S100B: variants seen among roughly 807,000 people sequenced by gnomAD.
The protein encoded by S100B is protein S100-B.
S100B carries 6 observed loss-of-function variants against 7.7 expected under a neutral mutation model. The ratio of observed to expected loss-of-function variants is 0.78; its 90% CI spans 0.43 to 1.54. The LOEUF (loss-of-function observed/expected upper bound fraction) is 1.54. S100B is among the 40% of genes most tolerant of loss of function. The pLI is 0.01. For synonymous variants in S100B, 36 were observed against 40.4 expected, an observed-to-expected ratio of 0.89 and a Z score of 0.41; for missense variants, 99 against 111.8, an observed-to-expected ratio of 0.89 and a Z score of 0.52.
intron 1 of S100B, among the ~76,000 whole-genome samples, chr21:46,604,363 A>G (rs1359065486): frequency 6.6e-6 from 1 of 152,226 alleles, no homozygotes; most frequent in Non-Finnish European, 1.5e-5. Flanking sequence ...TAGAAAGACA[A>G]GTTACCTAGC....
intron 2 of S100B, among the ~76,000 whole-genome samples, chr21:46,600,591 G>A (rs934609871): frequency 1.6e-4 from 24 of 152,194 alleles, no homozygotes; most frequent in Middle Eastern, 3.4e-3. Flanking sequence ...GTAACTCCAC[G>A]GGGGTAGAGG....
intron 2 of S100B, among the ~76,000 whole-genome samples, chr21:46,600,651 A>G (rs1182726590): frequency 6.6e-6 from 1 of 152,178 alleles, no homozygotes; most frequent in Non-Finnish European, 1.5e-5. Context: ...CTTCAATTAT[A>G]TTATACATCT....
chr21:46,601,363 A>G (rs1464637420), intron 2 of S100B, among the ~76,000 whole-genome samples: 1 of 152,120 alleles, frequency 6.6e-6, no homozygotes, highest in African/African-American at 2.4e-5. Context: ...TACGTTTCAT[A>G]TGTGCACACC....
intron 1 of S100B, chr21:46,602,851 G>C (rs1159978501): frequency 6.4e-6 from 1 of 156,788 alleles, no homozygotes. Flanking sequence ...TCAACTGCAA[G>C]CTGTTAAAAT....
At chr21:46,603,394 G>GGGGGGGCGGGGGC (rs1555923745) in intron 1 of S100B, among the ~76,000 whole-genome samples, 1 of 140,708 alleles carries the variant, frequency 7.1e-6, no homozygotes, top group Non-Finnish European at 1.6e-5. Flanking sequence ...ACGGCGGGAG[G>GGGGGGGCGGGGGC]GGGTGGGGGC....
intron 1 of S100B, among the ~76,000 whole-genome samples, chr21:46,603,405 A>AGGGGGGGGCGGGGGGGGGGTGG (rs1555923766): frequency 9.4e-6 from 1 of 106,136 alleles, no homozygotes; most frequent in Non-Finnish European, 2.0e-5. Context: ...GGGTGGGGGC[A>AGGGGGGGGCGGGGGGGGGGTGG]GGAATAGGTG....
At chr21:46,604,009 G>A (rs1190508169) in intron 1 of S100B, among the ~76,000 whole-genome samples, 1 of 152,108 alleles carries the variant, frequency 6.6e-6, no homozygotes, top group African/African-American at 2.4e-5. Context: ...ACATCATTCT[G>A]ATGCTCCTCA....
At chr21:46,604,431 G>A (rs2061051803) in intron 1 of S100B, among the ~76,000 whole-genome samples, 1 of 152,086 alleles carries the variant, frequency 6.6e-6, no homozygotes, top group South Asian at 2.1e-4. Flanking sequence ...TGAGACTGAG[G>A]AAAGTTAAAA....
chr21:46,603,289 A>C (rs944521874), intron 1 of S100B, among the ~76,000 whole-genome samples: 2 of 147,822 alleles, frequency 1.4e-5, no homozygotes, highest in Admixed American at 1.4e-4. Context: ...GTTCTGTCGC[A>C]GGGAGGGACA....
chr21:46,604,971 C>G (rs2061053345), intron 1 of S100B, 42 bp downstream of exon 1: 1 of 152,340 alleles, frequency 6.6e-6, no homozygotes, highest in Non-Finnish European at 1.5e-5. Context: ...AAGAAAAGAA[C>G]CATTTCTTCC....
chr21:46,599,199 C>CTTTG lies in S100B; in HGVS notation c.*160_*163dup. On this transcript the variant is annotated 3_prime_UTR_variant, in exon 3 of 3. Coordinates refer to ENST00000291700, the MANE Select transcript of S100B (RefSeq NM_006272.3). ...GAATGATGCAGGCCGTTAAAACAGCCTTTGGAAAGAGGTTTTCAATTTTTC... is the reference window on the plus strand; with the variant it reads ...GAATGATGCAGGCCGTTAAAACAGCCTTTGTTTGGAAAGAGGTTTTCAATTTTTC... 1.5e-6 allele frequency: 1 copy of CTTTG among 673,270 alleles called. No individual in the cohort carries two copies. The highest frequency in any genetic ancestry group is 1.9e-5 in the South Asian group (1 of 53,598). 41.7% of individuals were successfully genotyped at this position (673,270 alleles called of 1,614,324 possible). A position where few individuals can be genotyped will look rare whatever the true frequency, so the allele number is the denominator to read the frequency against.
At chr21:46,603,214 T>C (rs1371759488) in intron 1 of S100B, among the ~76,000 whole-genome samples, 2 of 151,014 alleles carry the variant, frequency 1.3e-5, no homozygotes, top group Non-Finnish European at 3.0e-5. Flanking sequence ...AGAATAACAG[T>C]GAAAGTTATT....
At position 46,599,404 on chromosome 21, in the gene S100B, T is replaced by C; in HGVS notation, c.238A>G (p.Met80Val). ...DFQEFMAFVA[M>V]VTTACHEFFE... ...AACTCGTGGCAGGCAGTAGTAACCA[T>C]GGCAACAAAGGCCATGAATTCCTGG... Residue 80 changes from methionine (M) to valine (V), a missense_variant, in exon 3 of 3, where the codon ATG becomes GTG. By Grantham distance (21) the Met-to-Val change is conservative. Transcript: ENST00000291700. 6.2e-7 allele frequency: 1 copy of C among 1,614,126 alleles called. No homozygotes were observed. Among genetic ancestry groups the C allele is most frequent in the South Asian group, 1.1e-5 (1 of 91,074 alleles).
chr21:46,604,053 A>G (rs1295062199), intron 1 of S100B, among the ~76,000 whole-genome samples: 1 of 152,210 alleles, frequency 6.6e-6, no homozygotes, highest in Non-Finnish European at 1.5e-5. Context: ...AGGAGGTTAA[A>G]TTGTTTTTCT....
intron 2 of S100B, 65 bp from the exon 3 acceptor site, chr21:46,599,568 A>T (rs1285617273): frequency 2.1e-6 from 3 of 1,428,410 alleles, no homozygotes; most frequent in Middle Eastern, 1.9e-4. Flanking sequence ...TCAAAACATG[A>T]TTAAAAGTTG....
At chr21:46,603,484 A>G (rs975937509) in intron 1 of S100B, among the ~76,000 whole-genome samples, 5 of 148,928 alleles carry the variant, frequency 3.4e-5, no homozygotes, top group African/African-American at 1.2e-4. Flanking sequence ...GCCACAGCCT[A>G]CGAACCAAGG....
chr21:46,603,398 T>TGGGGGGTGGG, intron 1 of S100B, among the ~76,000 whole-genome samples: 9 of 52,122 alleles, frequency 1.7e-4, no homozygotes, highest in African/African-American at 2.8e-4. Flanking sequence ...CGGGAGGGGG[T>TGGGGGGTGGG]GGGGGCAGGA....
chr21:46,599,334 T>C lies in S100B; in HGVS notation c.*29A>G. 1 of 1,608,624 alleles carries C rather than the reference T, an allele frequency of 6.2e-7. No homozygotes were observed. The highest frequency in any genetic ancestry group is 2.2e-5 in the East Asian group (1 of 44,862). On this transcript the variant is annotated 3_prime_UTR_variant, in exon 3 of 3. Transcript: ENST00000291700. ...TGCTTTCTTGCATGACCGTCTCTGTTACAGGAAAGGTTTGGCTGCTTTCTA... is the reference window on the plus strand; with the variant it reads ...TGCTTTCTTGCATGACCGTCTCTGTCACAGGAAAGGTTTGGCTGCTTTCTA...
intron 1 of S100B, 101 bp downstream of exon 1, chr21:46,604,912 C>T (rs1486384481): frequency 1.3e-5 from 2 of 152,236 alleles, no homozygotes; most frequent in Non-Finnish European, 2.9e-5. Context: ...CCTAAAGGGG[C>T]TTTTTAAGCT....
Sources: gnomAD v4.1 joint callset for allele counts (sites outside exome capture counted in the v4.1 genomes callset) on GRCh38, gnomAD v4.1.1 for gene constraint, MANE v1.5 for transcripts, NCBI Gene and HGNC (gene_info 2026-07-23, HGNC 2026-07-21) for gene names.